PARD3: variants seen among roughly 807,000 people sequenced by gnomAD.
PARD3 encodes partitioning defective 3 homolog.
Under a neutral mutation model 155.4 loss-of-function variants are expected in PARD3, and 75 were observed. That is an observed-to-expected ratio of 0.48 (90% CI 0.40 to 0.58). The LOEUF (loss-of-function observed/expected upper bound fraction) is 0.58. PARD3 is among the 20% of genes least tolerant of loss of function. PARD3 has a pLI of 0.00. For missense variants in PARD3, 1,642 were observed against 1,721.7 expected (o/e 0.95, Z 0.82); for synonymous variants, 576 against 610.5 (o/e 0.94, Z 0.83).
At chr10:34,757,882 G>C (rs1212721203) in intron 1 of PARD3, among the ~76,000 whole-genome samples, 1 of 152,108 alleles carries the variant, frequency 6.6e-6, no homozygotes, top group African/African-American at 2.4e-5. Context: ...TGCACTGGAA[G>C]GGTTCTGCTG....
chr10:34,701,599 C>T (rs973288940), intron 1 of PARD3, among the ~76,000 whole-genome samples: 1 of 152,090 alleles, frequency 6.6e-6, no homozygotes, highest in Admixed American at 6.5e-5. Flanking sequence ...AACACCGGAA[C>T]AAGGATGGGA....
chr10:34,385,150 T>G (rs1293132195), intron 7 of PARD3, among the ~76,000 whole-genome samples: 2 of 152,186 alleles, frequency 1.3e-5, no homozygotes, highest in South Asian at 2.1e-4. Flanking sequence ...TATTCTTTTT[T>G]GAGATGGAGT....
intron 2 of PARD3, among the ~76,000 whole-genome samples, chr10:34,580,640 C>G (rs2087357795): frequency 6.6e-6 from 1 of 152,208 alleles, no homozygotes; most frequent in South Asian, 2.1e-4. Context: ...TTTTACTAAT[C>G]CTGGCTGTGG....
intron 2 of PARD3, among the ~76,000 whole-genome samples, chr10:34,552,331 C>G (rs2084647148): frequency 6.6e-6 from 1 of 152,206 alleles, no homozygotes; most frequent in Admixed American, 6.5e-5. Context: ...TAAACTATGG[C>G]CTCAAGTGAT....
chr10:34,198,580 T>C (rs1272715940), intron 22 of PARD3, among the ~76,000 whole-genome samples: 1 of 152,036 alleles, frequency 6.6e-6, no homozygotes, highest in Admixed American at 6.6e-5. Context: ...TCTTTATACT[T>C]TTCTGCATTT....
At position 34,799,884 on chromosome 10, in the gene PARD3, T is replaced by C. The variant is rs1340868963; in HGVS notation, c.120+14992A>G. ...GGCGCATGCCTGTAGTCCCAGCTAC[T>C]TGTGAAGCTGAGGCAGGAAGATCAC... On this transcript the variant is annotated intron_variant, in intron 1 of 24. Transcript: ENST00000374788. 1.3e-5 allele frequency among the ~76,000 whole-genome samples: 2 copies of C among 151,740 alleles called. 1 individual carries two copies. Among genetic ancestry groups the C allele is most frequent in the African/African-American group, 4.8e-5 (2 of 41,262 alleles).
chr10:34,773,090 C>A (rs1478600396), intron 1 of PARD3, among the ~76,000 whole-genome samples: 1 of 152,158 alleles, frequency 6.6e-6, no homozygotes, highest in African/African-American at 2.4e-5. Context: ...ATCCCAGCAT[C>A]TCATTTTCAT....
Position 34,252,981 on chromosome 10 carries a change from G to T in PARD3, c.3419+16676C>A, listed in dbSNP as rs566014114. Among the ~76,000 whole-genome samples, 72 of 152,224 alleles carry T rather than the reference G, an allele frequency of 4.7e-4. 2 individuals are homozygous for T. The highest frequency in any genetic ancestry group is 4.6e-3 in the Admixed American group (71 of 15,284). Reference sequence around the variant, plus strand: ...GTTGGTCTGCAACAGTGTTCAGCAAGGATAACGCTATATTTACATCCAGTT... The same window carrying T: ...GTTGGTCTGCAACAGTGTTCAGCAATGATAACGCTATATTTACATCCAGTT... On this transcript the variant is annotated intron_variant, in intron 22 of 24. Coordinates refer to ENST00000374788, the MANE Select transcript of PARD3 (RefSeq NM_001184785.2).
At chr10:34,166,928 T>G (rs2133087509) in intron 22 of PARD3, among the ~76,000 whole-genome samples, 1 of 152,352 alleles carries the variant, frequency 6.6e-6, no homozygotes, top group East Asian at 1.9e-4. Context: ...CTATACACTC[T>G]GTTAGAGTCA....
chr10:34,544,115 A>G (rs1644959936), intron 2 of PARD3, among the ~76,000 whole-genome samples: 1 of 152,224 alleles, frequency 6.6e-6, no homozygotes, highest in African/African-American at 2.4e-5. Context: ...GCTATAAAAT[A>G]AATTTAAAAG....
At chr10:34,362,605 C>G (rs1044422302) in intron 12 of PARD3, among the ~76,000 whole-genome samples, 2 of 152,170 alleles carry the variant, frequency 1.3e-5, no homozygotes. Context: ...AGGTGATCCT[C>G]CCACTGCAGC....
chr10:34,431,991 G>A (rs1275778706), intron 5 of PARD3, among the ~76,000 whole-genome samples: 2 of 115,022 alleles, frequency 1.7e-5, no homozygotes, highest in Admixed American at 1.3e-4. Context: ...GCAGTGAGCC[G>A]AGATCACGCC....
chr10:34,250,563 A>T (rs905984204), intron 22 of PARD3, among the ~76,000 whole-genome samples: 4 of 152,052 alleles, frequency 2.6e-5, no homozygotes, highest in African/African-American at 9.7e-5. Flanking sequence ...TATGTAGTTG[A>T]CCCAGGTAAG....
At chr10:34,382,359 T>A (rs907711086) in intron 9 of PARD3, among the ~76,000 whole-genome samples, 181 bp downstream of exon 9, 4 of 152,202 alleles carry the variant, frequency 2.6e-5, no homozygotes, top group African/African-American at 9.7e-5. Context: ...GAAATACAAT[T>A]TGAAATATGT....
chr10:34,612,132 C>T (rs1384417723), intron 2 of PARD3, among the ~76,000 whole-genome samples: 1 of 152,062 alleles, frequency 6.6e-6, no homozygotes, highest in African/African-American at 2.4e-5. Flanking sequence ...AGCTGTGATA[C>T]ATTTCTAATA....
intron 2 of PARD3, among the ~76,000 whole-genome samples, chr10:34,641,068 C>T (rs1347611052): frequency 2.0e-5 from 3 of 152,096 alleles, no homozygotes; most frequent in Non-Finnish European, 2.9e-5. Context: ...ATTTCCAGAA[C>T]AATATACACA....
intron 12 of PARD3, among the ~76,000 whole-genome samples, chr10:34,366,009 C>T (rs1168172056): frequency 5.3e-5 from 8 of 152,184 alleles, no homozygotes. Flanking sequence ...TTTTAATTTT[C>T]TTCTACACAT....
intron 7 of PARD3, among the ~76,000 whole-genome samples, chr10:34,386,055 T>C (rs1472697914): frequency 6.6e-6 from 1 of 152,236 alleles, no homozygotes; most frequent in African/African-American, 2.4e-5. Flanking sequence ...CTATTTCACT[T>C]GTAATTTTGC....
intron 1 of PARD3, among the ~76,000 whole-genome samples, chr10:34,808,295 C>CA (rs1398659996): frequency 6.6e-6 from 1 of 151,814 alleles, no homozygotes; most frequent in African/African-American, 2.4e-5. Context: ...GCCTGGGTGA[C>CA]AAAGACCCTG....
Sources: allele counts gnomAD v4.1 joint callset (sites outside exome capture counted in the v4.1 genomes callset), GRCh38; gene constraint gnomAD v4.1.1; transcripts MANE v1.5; gene names NCBI Gene and HGNC (gene_info 2026-07-23, HGNC 2026-07-21).